UGT2B7: variants seen among roughly 807,000 people sequenced by gnomAD.
UGT2B7 encodes the protein UDP glucuronosyltransferase family 2 member B7.
In UGT2B7, 51 loss-of-function variants were observed where a neutral mutation model predicts 51.9. The observed-to-expected ratio is 0.98, with a 90% CI of 0.78 to 1.24. The LOEUF (loss-of-function observed/expected upper bound fraction) is 1.24. Ranked by LOEUF, UGT2B7 falls within the 50% of genes most tolerant of loss-of-function variation. UGT2B7 has a pLI of 0.00. For missense variants in UGT2B7, 727 were observed against 628.4 expected (o/e 1.16, Z -1.68); for synonymous variants, 225 against 211.6 (o/e 1.06, Z -0.55).
chr4:69,060,511 G>A (rs1718321773), intron 1 of UGT2B7, among the ~76,000 whole-genome samples: 1 of 152,186 alleles, frequency 6.6e-6, no homozygotes, highest in Non-Finnish European at 1.5e-5. Context: ...CTTGACTCAG[G>A]CCCCAACTTT....
chr4:69,102,647 T>G (rs1380168651), intron 2 of UGT2B7, among the ~76,000 whole-genome samples, 160 bp from the exon 3 acceptor site: 1 of 152,040 alleles, frequency 6.6e-6, no homozygotes, highest in East Asian at 1.9e-4. Context: ...TACATCTACT[T>G]GCAAAAAAAC....
chr4:69,074,102 T>C (rs1259910631), intron 1 of UGT2B7, among the ~76,000 whole-genome samples: 2 of 152,118 alleles, frequency 1.3e-5, no homozygotes, highest in Non-Finnish European at 2.9e-5. Flanking sequence ...CCCAACACTT[T>C]GGGATGTTGA....
intron 1 of UGT2B7, among the ~76,000 whole-genome samples, chr4:69,083,862 A>G (rs35749478): frequency 6.6e-6 from 1 of 150,754 alleles, no homozygotes; most frequent in African/African-American, 2.5e-5. Context: ...CCAGTGGATG[A>G]CCTTTCTTTT....
In UGT2B7 at chr4:69,107,220, A is replaced by T; in HGVS notation, c.1048A>T (p.Asn350Tyr). Residue 350 changes from asparagine (N) to tyrosine (Y), a missense_variant, in exon 4 of 6, where the codon AAT becomes TAT. By Grantham distance (143) the Asn-to-Tyr change is moderately radical (BLOSUM62 -2). Transcript: ENST00000305231. ...GAATAAACCAGATACCTTAGGTCTC[A>T]ATACTCGGCTCTACAAGTGGATACC... ...DGNKPDTLGLNTRLYKWIPQN... is the reference protein window; with the variant it reads ...DGNKPDTLGLYTRLYKWIPQN... The T allele has an allele frequency of 6.2e-7, 1 of 1,609,926 alleles. No individual in the cohort carries two copies. Among genetic ancestry groups the T allele is most frequent in the East Asian group, 2.2e-5 (1 of 44,724 alleles).
intron 1 of UGT2B7, among the ~76,000 whole-genome samples, chr4:69,076,581 C>A (rs1470139377): frequency 6.6e-6 from 1 of 152,130 alleles, no homozygotes; most frequent in East Asian, 1.9e-4. Flanking sequence ...TACATGTCTT[C>A]TTTTGAGAAG....
At chr4:69,077,516 A>G (rs1007034159) in intron 1 of UGT2B7, among the ~76,000 whole-genome samples, 3 of 151,498 alleles carry the variant, frequency 2.0e-5, no homozygotes, top group Non-Finnish European at 4.4e-5. Context: ...TGTAAGTTGT[A>G]TTCATAGGTA....
At chr4:69,080,166 A>G (rs1298760352) in intron 1 of UGT2B7, among the ~76,000 whole-genome samples, 3 of 152,136 alleles carry the variant, frequency 2.0e-5, no homozygotes, top group Non-Finnish European at 4.4e-5. Context: ...AGTCTCTGAG[A>G]CATTTGTTGT....
At chr4:69,106,564 C>T (rs1719606219) in intron 3 of UGT2B7, among the ~76,000 whole-genome samples, 1 of 152,076 alleles carries the variant, frequency 6.6e-6, no homozygotes, top group African/African-American at 2.4e-5. Context: ...ATTAATACAC[C>T]TGTGCATGGG....
At chr4:69,100,340 T>C (rs1278414633) in intron 2 of UGT2B7, among the ~76,000 whole-genome samples, 4 of 151,886 alleles carry the variant, frequency 2.6e-5, no homozygotes, top group Non-Finnish European at 4.4e-5. Context: ...ATATTTTTTA[T>C]GAAGGAACAC....
In UGT2B7 at chr4:69,107,107, T is replaced by C; in HGVS notation, c.1003-68T>C. Reference sequence around the variant, plus strand: ...CCCTTGATCTCATTCCTACTCTTTATACAGTTCTCACATTCTATAACTTTT... The same window carrying C: ...CCCTTGATCTCATTCCTACTCTTTACACAGTTCTCACATTCTATAACTTTT... On this transcript the variant is annotated intron_variant, in intron 3 of 5. Transcript: ENST00000305231. 2.0e-6 allele frequency: 3 copies of C among 1,505,484 alleles called. No individual in the cohort carries two copies. In the South Asian group the frequency reaches 3.5e-5, roughly 18 times the overall value. The allele number at this position is 1,505,484 out of a possible 1,614,324, so 93.3% of individuals were successfully genotyped here.
chr4:69,100,582 T>C (rs1339514642), intron 2 of UGT2B7, among the ~76,000 whole-genome samples: 1 of 151,972 alleles, frequency 6.6e-6, no homozygotes, highest in African/African-American at 2.4e-5. Flanking sequence ...GAAAAATCTA[T>C]GCCACCCTAC....
chr4:69,055,460 A>T (rs1261498015), intron 1 of UGT2B7, among the ~76,000 whole-genome samples: 5 of 152,126 alleles, frequency 3.3e-5, no homozygotes, highest in Non-Finnish European at 7.3e-5. Flanking sequence ...AATATGTAAC[A>T]TTAGACATTA....
intron 1 of UGT2B7, among the ~76,000 whole-genome samples, chr4:69,089,259 T>C (rs1240290084): frequency 6.6e-6 from 1 of 152,160 alleles, no homozygotes; most frequent in Non-Finnish European, 1.5e-5. Context: ...GTATAATTAT[T>C]TGTGTACCGT....
At chr4:69,111,616 T>A (rs1008603139) in intron 5 of UGT2B7, among the ~76,000 whole-genome samples, 4 of 152,306 alleles carry the variant, frequency 2.6e-5, no homozygotes, top group African/African-American at 9.6e-5. Context: ...AAGGGATGAA[T>A]ATCCTATTTT....
chr4:69,080,741 T>C (rs1024932448), intron 1 of UGT2B7, among the ~76,000 whole-genome samples: 2 of 152,244 alleles, frequency 1.3e-5, no homozygotes, highest in Admixed American at 1.3e-4. Flanking sequence ...TGACTTTCTG[T>C]ACTAAACATT....
chr4:69,099,243 C>T (rs72853561), intron 2 of UGT2B7, among the ~76,000 whole-genome samples: 26,139 of 123,794 alleles, frequency 0.21, 2,487 homozygotes, highest in East Asian at 0.42. Context: ...AAAAGAATGA[C>T]GGGGAGAGAC....
chr4:69,094,288 C>CAAT (rs1719162030), upstream of UGT2B7, among the ~76,000 whole-genome samples: 3 of 85,078 alleles, frequency 3.5e-5, 1 homozygote, highest in Non-Finnish European at 6.2e-5. Context: ...TACAGGCGCC[C>CAAT]GCTACCACGC....
intron 1 of UGT2B7, among the ~76,000 whole-genome samples, chr4:69,054,995 T>A (rs1346866451): frequency 6.7e-6 from 1 of 150,166 alleles, no homozygotes; most frequent in African/African-American, 2.5e-5. Flanking sequence ...GTACAAAGTA[T>A]GTAATCCAGG....
chr4:69,098,366 G>C (rs945978073), intron 1 of UGT2B7, among the ~76,000 whole-genome samples, 174 bp from the exon 2 acceptor site: 1 of 151,748 alleles, frequency 6.6e-6, no homozygotes, highest in African/African-American at 2.4e-5. Flanking sequence ...ATACACATGG[G>C]CAAAATATGT....
Sources: gnomAD v4.1 joint callset for allele counts (sites outside exome capture counted in the v4.1 genomes callset) on GRCh38, gnomAD v4.1.1 for gene constraint, MANE v1.5 for transcripts, NCBI Gene and HGNC (gene_info 2026-07-23, HGNC 2026-07-21) for gene names.